Variants in MAML3 observed in about 807,000 individuals in gnomAD.
MAML3 encodes the protein mastermind-like protein 3.
MAML3 carries 27 observed loss-of-function variants against 101.9 expected under a neutral mutation model. The ratio of observed to expected loss-of-function variants is 0.27; its 90% CI spans 0.20 to 0.37. The LOEUF (loss-of-function observed/expected upper bound fraction) is 0.37. MAML3 is among the 10% of genes least tolerant of loss of function. MAML3 has a pLI of 1.00. For synonymous variants in MAML3, 501 were observed against 555.9 expected (o/e 0.90, Z 1.39); for missense variants, 1,316 against 1,444.9 (o/e 0.91, Z 1.45).
intron 2 of MAML3, among the ~76,000 whole-genome samples, chr4:139,817,776 A>G (rs1184651806): frequency 6.6e-6 from 1 of 152,226 alleles, no homozygotes; most frequent in African/African-American, 2.4e-5. Context: ...CCAACGCTGA[A>G]GCCATCTGAC....
At chr4:139,962,228 A>G (rs2110776371) in intron 1 of MAML3, among the ~76,000 whole-genome samples, 1 of 152,158 alleles carries the variant, frequency 6.6e-6, no homozygotes, top group East Asian at 1.9e-4. Flanking sequence ...AAATCAACTC[A>G]TCATATCAGT....
At chr4:139,852,401 C>CTGTTTTTTTTTTTTTTGT (rs1731570707) in intron 2 of MAML3, among the ~76,000 whole-genome samples, 6 of 126,274 alleles carry the variant, frequency 4.8e-5, no homozygotes, top group African/African-American at 1.7e-4. Context: ...ATTCAGAAGA[C>CTGTTTTTTTTTTTTTTGT]TGTTTTTTTT....
rs535294456 is a variant in MAML3, at chr4:139,889,059, C to G, written c.2079+298G>C. ...AGTGCCGTGTTTGGTGGAGTGACCT[C>G]TGCAGCCTCCCTCCCTCAGAGTGAG... On this transcript the variant is annotated intron_variant, in intron 2 of 4. Transcript: ENST00000509479. 1.4e-3 allele frequency: 708 copies of G among 503,084 alleles called. 1 individual carries two copies. The highest frequency in any genetic ancestry group is 2.3e-3 in the Non-Finnish European group (610 of 265,466). The allele number at this position is 503,084 out of a possible 1,614,324, so 31.2% of individuals were successfully genotyped here. A position where few individuals can be genotyped will look rare whatever the true frequency, so the allele number is the denominator to read the frequency against.
At chr4:140,115,723 A>G (rs774986547) in intron 1 of MAML3, among the ~76,000 whole-genome samples, 2 of 152,208 alleles carry the variant, frequency 1.3e-5, no homozygotes, top group Non-Finnish European at 2.9e-5. Flanking sequence ...AATTTATCCA[A>G]TTGACATGTC....
chr4:139,826,035 A>G (rs952502533), intron 2 of MAML3, among the ~76,000 whole-genome samples: 5 of 152,024 alleles, frequency 3.3e-5, no homozygotes, highest in African/African-American at 1.2e-4. Context: ...TGTGGGAGGA[A>G]GGGGGTATCT....
intron 2 of MAML3, among the ~76,000 whole-genome samples, chr4:139,816,499 T>C (rs1730894804): frequency 6.6e-6 from 1 of 151,956 alleles, no homozygotes; most frequent in African/African-American, 2.4e-5. Flanking sequence ...AGGCTTACTG[T>C]GATTCCAGAC....
Position 139,949,295 on chromosome 4 carries a change from G to A in MAML3, c.469-58328C>T, listed in dbSNP as rs1733792840. ...CTCCCAAAGTGCTGGGATTACAGGC[G>A]TGAGCCACCACACCCGGCCAGTAGT... On this transcript the variant is annotated intron_variant, in intron 1 of 4. Transcript: ENST00000509479. Among the ~76,000 whole-genome samples, 4 of 152,094 alleles carry A rather than the reference G, an allele frequency of 2.6e-5. No homozygotes were observed. In the South Asian group the frequency reaches 6.2e-4, roughly 24 times the overall value.
intron 1 of MAML3, among the ~76,000 whole-genome samples, chr4:139,920,648 A>T (rs573744566): frequency 3.3e-5 from 5 of 152,340 alleles, no homozygotes; most frequent in South Asian, 4.1e-4. Flanking sequence ...CCTTTCATTA[A>T]TGGAGGGCAC....
chr4:139,753,341 AATCTATCT>A lies in MAML3; in HGVS notation c.2080-22682_2080-22675del, dbSNP rs35975255. Reference sequence around the variant, plus strand: ...TTCTTTGCTTTTTTCTTTTCTTTTTAATCTATCTATCTATCTATCTATCTATCTATCTA... The same window carrying A: ...TTCTTTGCTTTTTTCTTTTCTTTTTAATCTATCTATCTATCTATCTATCTA... On this transcript the variant is annotated intron_variant, in intron 2 of 4. Coordinates refer to ENST00000509479, the MANE Select transcript of MAML3 (RefSeq NM_018717.5). Among the ~76,000 whole-genome samples, 546 of 146,688 alleles carry A rather than the reference AATCTATCT, an allele frequency of 3.7e-3. 2 individuals are homozygous for A. The highest frequency in any genetic ancestry group is 0.011 in the Middle Eastern group (3 of 282).
chr4:139,946,921 A>T (rs547018838), intron 1 of MAML3, among the ~76,000 whole-genome samples: 852 of 68,746 alleles, frequency 0.012, 8 homozygotes, highest in African/African-American at 0.045. Context: ...ACACACACAC[A>T]CACACTCTCT....
intron 1 of MAML3, chr4:140,134,298 C>T: frequency 6.6e-6 from 3 of 456,694 alleles, no homozygotes; most frequent in Non-Finnish European, 1.3e-5. Context: ...AAAGGATGTT[C>T]CCACACTCAA....
intron 2 of MAML3, among the ~76,000 whole-genome samples, chr4:139,783,543 C>T (rs1730253915): frequency 6.6e-6 from 1 of 152,176 alleles, no homozygotes; most frequent in African/African-American, 2.4e-5. Flanking sequence ...GAACATTTTC[C>T]TTTGTTATCG....
intron 2 of MAML3, among the ~76,000 whole-genome samples, chr4:139,747,065 G>A (rs960530047): frequency 4.5e-4 from 68 of 152,316 alleles, no homozygotes; most frequent in Middle Eastern, 3.4e-3. Flanking sequence ...AGCCCTTAGT[G>A]GTTTTGTCTT....
intron 1 of MAML3, among the ~76,000 whole-genome samples, chr4:139,911,197 C>T (rs932905070): frequency 2.0e-5 from 3 of 151,936 alleles, no homozygotes; most frequent in Admixed American, 6.6e-5. Context: ...TCAAGTTTTG[C>T]CTGCATTGCA....
chr4:140,080,574 T>C (rs1172522617), intron 1 of MAML3, among the ~76,000 whole-genome samples: 6 of 152,212 alleles, frequency 3.9e-5, no homozygotes, highest in Non-Finnish European at 7.3e-5. Flanking sequence ...GAGAAGAAAC[T>C]GGTCTTTCAC....
intron 1 of MAML3, among the ~76,000 whole-genome samples, chr4:140,059,398 C>T (rs1429443746): frequency 6.6e-6 from 1 of 152,104 alleles, no homozygotes; most frequent in Non-Finnish European, 1.5e-5. Flanking sequence ...CTTTACTGTA[C>T]ACAGACTTAT....
At chr4:140,025,753 C>A (rs1187535321) in intron 1 of MAML3, among the ~76,000 whole-genome samples, 1 of 152,198 alleles carries the variant, frequency 6.6e-6, no homozygotes, top group East Asian at 1.9e-4. Flanking sequence ...TCGACTTCAT[C>A]TAGAAGTGTC....
At chr4:140,130,441 T>A (rs1728773162) in intron 1 of MAML3, among the ~76,000 whole-genome samples, 1 of 152,194 alleles carries the variant, frequency 6.6e-6, no homozygotes, top group Admixed American at 6.5e-5. Context: ...AGGAAGAAAT[T>A]GAGAGTCTAA....
In MAML3 at chr4:139,890,985, A is replaced by T. The variant is rs1486139796; in HGVS notation, c.469-18T>A. The T allele has an allele frequency of 6.2e-7, 1 of 1,602,790 alleles. No homozygotes were observed. Among genetic ancestry groups the T allele is most frequent in the South Asian group, 1.1e-5 (1 of 89,954 alleles). ...TCTTGTAGCTGGAAAAGAAACAGGA[A>T]AGAGGATGACTAAACCTCCAAGTCA... On this transcript the variant is annotated intron_variant, in intron 1 of 4. Coordinates refer to ENST00000509479, the MANE Select transcript of MAML3 (RefSeq NM_018717.5). The surrounding 1 kb of genome is among the most constrained non-coding windows in gnomAD (Gnocchi z 4.1).
Sources: allele counts gnomAD v4.1 joint callset (sites outside exome capture counted in the v4.1 genomes callset), GRCh38; gene constraint gnomAD v4.1.1; non-coding constraint Gnocchi (gnomAD v3.1); transcripts MANE v1.5; gene names NCBI Gene and HGNC (gene_info 2026-07-23, HGNC 2026-07-21).